KIF26B: variants seen among roughly 807,000 people sequenced by gnomAD.
KIF26B encodes kinesin-like protein KIF26B.
A neutral mutation model predicts 151.2 loss-of-function variants in KIF26B; 63 were observed. The observed-to-expected ratio is 0.42, with a 90% CI of 0.34 to 0.51. The LOEUF is 0.51. Ranked by LOEUF, KIF26B falls within the 20% of genes least tolerant of loss-of-function variation. The pLI, the probability that KIF26B is intolerant of heterozygous loss-of-function variation, is 0.07. For synonymous variants in KIF26B, 1,357 were observed against 1,262.1 expected (o/e 1.08, Z -1.59); for missense variants, 2,813 against 2,913.6 (o/e 0.97, Z 0.79).
chr1:245,580,145 C>T (rs2103128869), intron 5 of KIF26B, among the ~76,000 whole-genome samples: 1 of 152,324 alleles, frequency 6.6e-6, no homozygotes, highest in Non-Finnish European at 1.5e-5. Context: ...AAGAACTCTG[C>T]CTTTGCAAAA....
At chr1:245,679,059 C>T (rs1014986952) in intron 10 of KIF26B, among the ~76,000 whole-genome samples, 3 of 151,930 alleles carry the variant, frequency 2.0e-5, no homozygotes, top group Admixed American at 6.6e-5. Flanking sequence ...TACTGTTTCC[C>T]GGTTACTCTA....
Position 245,707,266 on chromosome 1 carries a change from C to A in KIF26B, c.*4660C>A. The A allele has an allele frequency of 6.6e-6, 1 of 152,186 alleles. No homozygotes were observed. Among genetic ancestry groups the A allele is most frequent in the Non-Finnish European group, 1.5e-5 (1 of 68,030 alleles). 9.4% of individuals were successfully genotyped at this position (152,186 alleles called of 1,614,324 possible). ...GGCAGTATCAAGCCTTCATTGCATA[C>A]AAACCTTAATCTCTAAGCATAGTTG... is the stretch of plus-strand genomic sequence containing the variant. On this transcript the variant is annotated 3_prime_UTR_variant, in exon 15 of 15. Transcript: ENST00000407071.
chr1:245,484,767 A>ATATTATTATTATTATTAT (rs771748723), intron 4 of KIF26B, among the ~76,000 whole-genome samples: 1,389 of 134,242 alleles, frequency 0.01, 15 homozygotes, highest in East Asian at 0.013. Flanking sequence ...CTTCTTCTTC[A>ATATTATTATTATTATTAT]TATTATTATT....
intron 2 of KIF26B, among the ~76,000 whole-genome samples, chr1:245,325,390 G>C (rs963630570): frequency 1.3e-5 from 2 of 152,166 alleles, no homozygotes; most frequent in African/African-American, 4.8e-5. Context: ...ATGCCACCTT[G>C]TCCTCAGAGA....
intron 5 of KIF26B, among the ~76,000 whole-genome samples, chr1:245,586,281 A>G (rs893974739): frequency 6.6e-6 from 1 of 151,870 alleles, no homozygotes; most frequent in African/African-American, 2.4e-5. Flanking sequence ...TGGCCTCCCA[A>G]AGTGCTGGGA....
At chr1:245,263,168 G>A (rs947968505) in intron 2 of KIF26B, among the ~76,000 whole-genome samples, 4 of 150,080 alleles carry the variant, frequency 2.7e-5, no homozygotes, top group African/African-American at 9.6e-5. Flanking sequence ...TGGGAGGTGG[G>A]TCCCTCGTTA....
In KIF26B at chr1:245,244,575, A is replaced by T. The variant is rs1367809289; in HGVS notation, c.465+87892A>T. On this transcript the variant is annotated intron_variant, in intron 2 of 14. Transcript: ENST00000407071. This position sits in a 1 kb window ranked among gnomAD's most constrained non-coding sequence, Gnocchi z 4.2. ...GGCCCAGAAAATGAGGGGGACATTT[A>T]CGTCATGGAACACAGAGGAAGACTC... is the stretch of plus-strand genomic sequence containing the variant. 1.3e-5 allele frequency among the ~76,000 whole-genome samples: 2 copies of T among 152,104 alleles called. No individual in the cohort carries two copies. Among genetic ancestry groups the T allele is most frequent in the South Asian group, 4.2e-4 (2 of 4,818 alleles).
chr1:245,674,177 TC>T (rs1412413732), intron 10 of KIF26B, among the ~76,000 whole-genome samples: 2 of 151,806 alleles, frequency 1.3e-5, no homozygotes, highest in South Asian at 2.1e-4. Flanking sequence ...TGTTTCCTTA[TC>T]CCCCCCACCA....
chr1:245,399,957 G>T (rs1673954674), intron 3 of KIF26B, among the ~76,000 whole-genome samples: 1 of 152,164 alleles, frequency 6.6e-6, no homozygotes, highest in Non-Finnish European at 1.5e-5. Context: ...CCAATGTTCA[G>T]TACCTTTCTT....
intron 2 of KIF26B, among the ~76,000 whole-genome samples, chr1:245,172,429 G>A (rs1668729837): frequency 6.6e-6 from 1 of 152,194 alleles, no homozygotes; most frequent in Non-Finnish European, 1.5e-5. Flanking sequence ...AGGAAGGTGA[G>A]GAATCTCATA....
chr1:245,427,780 C>G (rs1170755530), intron 4 of KIF26B, among the ~76,000 whole-genome samples: 2 of 152,108 alleles, frequency 1.3e-5, no homozygotes, highest in African/African-American at 4.8e-5. Flanking sequence ...CTGTTCTTTT[C>G]TCCTTGCCCC....
intron 2 of KIF26B, among the ~76,000 whole-genome samples, chr1:245,173,822 C>A (rs1668756866): frequency 6.6e-6 from 1 of 152,188 alleles, no homozygotes; most frequent in South Asian, 2.1e-4. Flanking sequence ...CCCTGGCAGC[C>A]AAGAGCCCCT....
intron 2 of KIF26B, among the ~76,000 whole-genome samples, chr1:245,171,728 G>A (rs573624187): frequency 3.9e-5 from 6 of 152,288 alleles, no homozygotes; most frequent in African/African-American, 1.4e-4. Context: ...GTCCAGCATT[G>A]CATTACAGTT....
chr1:245,646,436 T>C (rs2043947985), intron 10 of KIF26B, among the ~76,000 whole-genome samples, 156 bp downstream of exon 10: 1 of 152,214 alleles, frequency 6.6e-6, no homozygotes, highest in Non-Finnish European at 1.5e-5. Flanking sequence ...AGTTGTGTAA[T>C]GCATGATCTC....
At chr1:245,420,715 C>T (rs1658465271) in intron 4 of KIF26B, among the ~76,000 whole-genome samples, 1 of 152,218 alleles carries the variant, frequency 6.6e-6, no homozygotes, top group African/African-American at 2.4e-5. Context: ...TCTGCAGGGT[C>T]GCTCCGAAGA....
At chr1:245,635,102 T>TG (rs1397864308) in intron 9 of KIF26B, among the ~76,000 whole-genome samples, 14 of 151,376 alleles carry the variant, frequency 9.2e-5, no homozygotes, top group Middle Eastern at 6.8e-3. Context: ...TTTTGTGTTT[T>TG]TTTTTTTTTT....
At chr1:245,569,372 C>A (rs916750860) in intron 5 of KIF26B, among the ~76,000 whole-genome samples, 3 of 152,072 alleles carry the variant, frequency 2.0e-5, no homozygotes, top group Non-Finnish European at 2.9e-5. Context: ...CTTTGGGAGG[C>A]TGAGACGGGA....
At position 245,244,344 on chromosome 1, in the gene KIF26B, G is replaced by A. The variant is rs146439314; in HGVS notation, c.465+87661G>A. On this transcript the variant is annotated intron_variant, in intron 2 of 14. Coordinates refer to ENST00000407071, the MANE Select transcript of KIF26B (RefSeq NM_018012.4). The surrounding 1 kb of genome is among the most constrained non-coding windows in gnomAD (Gnocchi z 4.2). ...TACTCTGAAAGACAATCCAAGATAC[G>A]TCAGAGTCTCTTCTTGGGAAATATG... 3.3e-5 allele frequency among the ~76,000 whole-genome samples: 5 copies of A among 152,170 alleles called. No individual in the cohort carries two copies. In the South Asian group the frequency reaches 6.2e-4, roughly 19 times the overall value.
chr1:245,415,951 A>G (rs1194243963), intron 3 of KIF26B, among the ~76,000 whole-genome samples: 2 of 152,008 alleles, frequency 1.3e-5, no homozygotes, highest in Admixed American at 1.3e-4. Flanking sequence ...GGATGGGAGA[A>G]AAGACTGTCA....
Sources: gnomAD v4.1 joint callset for allele counts (sites outside exome capture counted in the v4.1 genomes callset) on GRCh38, gnomAD v4.1.1 for gene constraint, Gnocchi (gnomAD v3.1) non-coding constraint, MANE v1.5 for transcripts, NCBI Gene and HGNC (gene_info 2026-07-23, HGNC 2026-07-21) for gene names.